PSMA2: variants seen among roughly 807,000 people sequenced by gnomAD.
PSMA2 encodes the protein proteasome 20S subunit alpha 2.
Under a neutral mutation model 35.9 loss-of-function variants are expected in PSMA2, and 2 were observed. That is an observed-to-expected ratio of 0.06 (90% CI 0.02 to 0.18). PSMA2 has a LOEUF of 0.18. Ranked by LOEUF, PSMA2 falls within the 10% of genes least tolerant of loss-of-function variation. The pLI, the probability that PSMA2 is intolerant of heterozygous loss-of-function variation, is 1.00. For synonymous variants in PSMA2, 97 were observed against 98.2 expected, an observed-to-expected ratio of 0.99 and a Z score of 0.07; for missense variants, 126 against 278.8, an observed-to-expected ratio of 0.45 and a Z score of 3.90.
intron 1 of PSMA2, among the ~76,000 whole-genome samples, chr7:42,927,999 T>G (rs1285718200): frequency 6.6e-6 from 1 of 152,192 alleles, no homozygotes; most frequent in African/African-American, 2.4e-5. Context: ...TCTTTGGTTG[T>G]TTTTTGTCTG....
intron 4 of PSMA2, among the ~76,000 whole-genome samples, chr7:42,923,818 T>C (rs1426191769): frequency 2.6e-5 from 4 of 152,058 alleles, no homozygotes; most frequent in Non-Finnish European, 5.9e-5. Flanking sequence ...CTGCAGCTTT[T>C]CCACTAGGTT....
intron 1 of PSMA2, among the ~76,000 whole-genome samples, chr7:42,931,748 T>G (rs1348948159): frequency 6.6e-6 from 1 of 152,058 alleles, no homozygotes; most frequent in African/African-American, 2.4e-5. Flanking sequence ...AACCACCGCA[T>G]CAGGTCTACT....
intron 1 of PSMA2, among the ~76,000 whole-genome samples, chr7:42,929,993 CA>C (rs905841534): frequency 6.6e-6 from 1 of 152,134 alleles, no homozygotes. Flanking sequence ...TTCCTTCACC[CA>C]TTTAAAATAA....
At chr7:42,925,438 T>C (rs192905103) in intron 3 of PSMA2, among the ~76,000 whole-genome samples, 4 of 152,300 alleles carry the variant, frequency 2.6e-5, no homozygotes, top group African/African-American at 7.2e-5. Flanking sequence ...AGGAGGGAGA[T>C]AGAGTACATA....
intron 5 of PSMA2, among the ~76,000 whole-genome samples, chr7:42,923,038 A>G (rs2128673990): frequency 6.6e-6 from 1 of 152,330 alleles, no homozygotes; most frequent in Non-Finnish European, 1.5e-5. Flanking sequence ...GTATTTCCCG[A>G]AGTAACAGGT....
intron 6 of PSMA2, chr7:42,919,358 T>G (rs1462943807): frequency 1.7e-6 from 1 of 575,570 alleles, no homozygotes; most frequent in Non-Finnish European, 3.5e-6. Flanking sequence ...TTATCAAGAC[T>G]ATGGATTTCA....
rs961562729 is a variant in PSMA2 at position 42,926,729 on chromosome 7, T to C, written c.119-61A>G. 7.0e-5 allele frequency: 105 copies of C among 1,490,844 alleles called. No homozygotes were observed. In the East Asian group the frequency reaches 2.5e-3, roughly 35 times the overall value. The allele number at this position is 1,490,844 out of a possible 1,614,324, so 92.4% of individuals were successfully genotyped here. On this transcript the variant is annotated intron_variant, in intron 2 of 7. Transcript: ENST00000223321. ...ATTTTTAAGACTGTTTTAACAGCTTTCTAATTATGGATGCGCTAAACGCAA... is the reference window on the plus strand; with the variant it reads ...ATTTTTAAGACTGTTTTAACAGCTTCCTAATTATGGATGCGCTAAACGCAA...
intron 1 of PSMA2, among the ~76,000 whole-genome samples, chr7:42,928,322 T>C (rs1187637339): frequency 1.3e-5 from 2 of 152,238 alleles, no homozygotes; most frequent in African/African-American, 4.8e-5. Flanking sequence ...AGAACATGTA[T>C]GTGTCTGTTA....
chr7:42,931,644 C>T (rs1202689001), intron 1 of PSMA2, among the ~76,000 whole-genome samples: 1 of 152,088 alleles, frequency 6.6e-6, no homozygotes, highest in African/African-American at 2.4e-5. Flanking sequence ...ACACTAGTGC[C>T]AAATGGAGAC....
At chr7:42,928,775 AC>A (rs1434023626) in intron 1 of PSMA2, among the ~76,000 whole-genome samples, 1 of 152,130 alleles carries the variant, frequency 6.6e-6, no homozygotes, top group Non-Finnish European at 1.5e-5. Context: ...AAACACATAG[AC>A]TACTCTCAGA....
intron 5 of PSMA2, among the ~76,000 whole-genome samples, chr7:42,922,925 A>C (rs1301749802): frequency 6.6e-6 from 1 of 152,202 alleles, no homozygotes; most frequent in Non-Finnish European, 1.5e-5. Flanking sequence ...TGAATTCAAG[A>C]TAAATTAATG....
chr7:42,926,202 C>T (rs181980559), intron 3 of PSMA2, among the ~76,000 whole-genome samples: 2 of 152,332 alleles, frequency 1.3e-5, no homozygotes, highest in East Asian at 3.9e-4. Context: ...TTGCTTTTAT[C>T]ATTTTTAAAC....
chr7:42,928,068 T>C (rs1437748300), intron 1 of PSMA2, among the ~76,000 whole-genome samples: 1 of 152,192 alleles, frequency 6.6e-6, no homozygotes, highest in African/African-American at 2.4e-5. Context: ...CTATGCCTGT[T>C]TTCTCACCTG....
intron 3 of PSMA2, among the ~76,000 whole-genome samples, chr7:42,926,331 C>CT: frequency 6.6e-6 from 1 of 152,230 alleles, no homozygotes; most frequent in East Asian, 1.9e-4. Flanking sequence ...TCTACCTCCT[C>CT]TTTCACATCT....
At position 42,917,838 on chromosome 7, in the gene PSMA2, G is replaced by A. The variant is rs1281025018; in HGVS notation, c.531-3C>T. On this transcript the variant is annotated splice_region_variant and splice_polypyrimidine_tract_variant and intron_variant, in intron 6 of 7. Transcript: ENST00000223321. ...CAAGTTCCAGATCTTCATTATATCT[G>A]AAGAATTTAAAAAAAATTACTTATA... 2 of 1,582,170 alleles carry A rather than the reference G, an allele frequency of 1.3e-6. No homozygotes were observed. Among genetic ancestry groups the A allele is most frequent in the African/African-American group, 1.4e-5 (1 of 72,886 alleles).
chr7:42,931,196 A>C, intron 1 of PSMA2: 1 of 447,740 alleles, frequency 2.2e-6, no homozygotes, highest in Non-Finnish European at 4.5e-6. Flanking sequence ...GAGATGGAGC[A>C]GGTTAAGGTT....
chr7:42,927,304 T>G (rs1786229617), intron 2 of PSMA2, 79 bp downstream of exon 2: 1 of 1,284,822 alleles, frequency 7.8e-7, no homozygotes, highest in Non-Finnish European at 1.1e-6. Context: ...CAGCTCTGTA[T>G]AAATTAATTA....
intron 1 of PSMA2, chr7:42,931,200 T>C (rs540249853): frequency 9.0e-6 from 4 of 445,464 alleles, no homozygotes; most frequent in African/African-American, 6.1e-5. Context: ...TGGAGCAGGT[T>C]AAGGTTAAGT....
At chr7:42,919,495 G>T in intron 6 of PSMA2, 1 of 516,862 alleles carries the variant, frequency 1.9e-6, no homozygotes, top group South Asian at 1.6e-5. Flanking sequence ...AAGGCCCTAT[G>T]GTACAGTGAG....
Sources: allele counts gnomAD v4.1 joint callset (sites outside exome capture counted in the v4.1 genomes callset), GRCh38; gene constraint gnomAD v4.1.1; transcripts MANE v1.5; gene names NCBI Gene and HGNC (gene_info 2026-07-23, HGNC 2026-07-21).